The following CCSER1 variants were observed in gnomAD, a reference collection of about 807,000 sequenced individuals.
CCSER1 encodes the protein coiled-coil serine rich protein 1.
CCSER1 carries 41 observed loss-of-function variants against 82.0 expected under a neutral mutation model. The observed-to-expected ratio is 0.50, with a 90% CI of 0.39 to 0.65. CCSER1 has a LOEUF of 0.65. Among genes scored for constraint, CCSER1 ranks in the 30% least tolerant of loss-of-function variants. CCSER1 has a pLI of 0.00. For missense variants in CCSER1, 1,119 were observed against 1,064.2 expected (o/e 1.05, Z -0.72); for synonymous variants, 414 against 383.9 (o/e 1.08, Z -0.92).
chr4:90,251,020 G>T (rs2153441138), intron 1 of CCSER1, among the ~76,000 whole-genome samples: 1 of 151,734 alleles, frequency 6.6e-6, no homozygotes, highest in East Asian at 1.9e-4. Context: ...AATTGATTTT[G>T]GTGTATTCAT....
intron 5 of CCSER1, among the ~76,000 whole-genome samples, chr4:90,470,895 A>G (rs1426284551): frequency 6.6e-6 from 1 of 152,066 alleles, no homozygotes; most frequent in African/African-American, 2.4e-5. Flanking sequence ...GATTGACTAG[A>G]TAATTTGTTG....
At chr4:90,389,056 A>G (rs1481445616) in intron 3 of CCSER1, among the ~76,000 whole-genome samples, 1 of 152,230 alleles carries the variant, frequency 6.6e-6, no homozygotes, top group Non-Finnish European at 1.5e-5. Context: ...TGCCACAAAA[A>G]TGTCCATTTT....
chr4:90,216,909 C>A (rs919135606), intron 1 of CCSER1, among the ~76,000 whole-genome samples: 4 of 152,266 alleles, frequency 2.6e-5, no homozygotes, highest in African/African-American at 9.6e-5. Flanking sequence ...ATTCTTCCGA[C>A]CCTTGAACAT....
chr4:90,224,948 C>A (rs1215209249), intron 1 of CCSER1, among the ~76,000 whole-genome samples: 1 of 152,028 alleles, frequency 6.6e-6, no homozygotes, highest in African/African-American at 2.4e-5. Context: ...TGTGCAGGCC[C>A]TTATCCCTCT....
chr4:90,519,248 G>A (rs1772749252), intron 5 of CCSER1, among the ~76,000 whole-genome samples: 6 of 151,750 alleles, frequency 4.0e-5, no homozygotes, highest in Admixed American at 3.9e-4. Flanking sequence ...TTAAAAAACA[G>A]CTAAAGCCTC....
intron 9 of CCSER1, among the ~76,000 whole-genome samples, chr4:91,056,500 G>T (rs756559599): frequency 1.3e-5 from 2 of 152,058 alleles, no homozygotes; most frequent in Non-Finnish European, 2.9e-5. Context: ...ATTCCCTCTG[G>T]CAAGACCTTT....
chr4:90,181,146 AC>A (rs1733661197), intron 1 of CCSER1, among the ~76,000 whole-genome samples: 1 of 152,124 alleles, frequency 6.6e-6, no homozygotes, highest in African/African-American at 2.4e-5. Context: ...TGATCTGTAC[AC>A]CAAACCAGTG....
intron 10 of CCSER1, among the ~76,000 whole-genome samples, chr4:91,533,936 TAAAC>T (rs1009308811): frequency 6.6e-6 from 1 of 151,976 alleles, no homozygotes; most frequent in African/African-American, 2.4e-5. Context: ...GGAATATGCC[TAAAC>T]AAAACTGAAA....
chr4:90,356,235 G>A (rs1322505525), intron 3 of CCSER1, among the ~76,000 whole-genome samples: 1 of 151,510 alleles, frequency 6.6e-6, no homozygotes, highest in Non-Finnish European at 1.5e-5. Flanking sequence ...GTTTTATAAC[G>A]TCTAATATTT....
intron 1 of CCSER1, among the ~76,000 whole-genome samples, chr4:90,298,422 T>G (rs1290871037): frequency 6.6e-6 from 1 of 151,562 alleles, no homozygotes; most frequent in Admixed American, 6.6e-5. Context: ...CTATCAATTT[T>G]GTTGATCCTT....
intron 1 of CCSER1, among the ~76,000 whole-genome samples, chr4:90,250,924 A>G (rs1271276088): frequency 6.6e-6 from 1 of 151,944 alleles, no homozygotes; most frequent in East Asian, 1.9e-4. Context: ...ACTTATTCCT[A>G]GAGATTTTTT....
chr4:90,942,679 A>G (rs34090839), intron 9 of CCSER1, among the ~76,000 whole-genome samples: 8,059 of 151,940 alleles, frequency 0.053, 240 homozygotes, highest in South Asian at 0.078. Flanking sequence ...AAAAAGAAAG[A>G]AACTTGATAC....
chr4:90,159,129 G>A (rs934578974), intron 1 of CCSER1, among the ~76,000 whole-genome samples: 2 of 152,094 alleles, frequency 1.3e-5, no homozygotes, highest in Non-Finnish European at 2.9e-5. Flanking sequence ...AAACTCCTGA[G>A]CTCAAGTGGT....
At chr4:90,210,969 G>A (rs1739883784) in intron 1 of CCSER1, among the ~76,000 whole-genome samples, 1 of 151,672 alleles carries the variant, frequency 6.6e-6, no homozygotes, top group African/African-American at 2.4e-5. Flanking sequence ...TGTGATTTTT[G>A]TTTATTTCAG....
At chr4:90,490,113 G>A (rs905391830) in intron 5 of CCSER1, among the ~76,000 whole-genome samples, 5 of 152,144 alleles carry the variant, frequency 3.3e-5, no homozygotes, top group African/African-American at 1.2e-4. Context: ...TTCCACAATG[G>A]TTGAACCAGT....
At chr4:90,598,666 T>G (rs1203000976) in intron 5 of CCSER1, among the ~76,000 whole-genome samples, 1 of 152,104 alleles carries the variant, frequency 6.6e-6, no homozygotes, top group Non-Finnish European at 1.5e-5. Context: ...TTTTTAAAAT[T>G]TTTCTGCTGT....
rs1764756700 is a variant in CCSER1, at chr4:91,600,177, C to T, written c.*1120C>T. 6.6e-6 allele frequency: 1 copy of T among 151,974 alleles called. No individual in the cohort carries two copies. Among genetic ancestry groups the T allele is most frequent in the African/African-American group, 2.4e-5 (1 of 41,384 alleles). The allele number at this position is 151,974 out of a possible 1,614,324, so 9.4% of individuals were successfully genotyped here. Reference sequence around the variant, plus strand: ...GCTTCTAACAGGAATATTTAAAACCCATTTGATGGCAAATATTTCTCTTTG... The same window carrying T: ...GCTTCTAACAGGAATATTTAAAACCTATTTGATGGCAAATATTTCTCTTTG... On this transcript the variant is annotated 3_prime_UTR_variant, in exon 11 of 11. Coordinates refer to ENST00000509176, the MANE Select transcript of CCSER1 (RefSeq NM_001145065.2).
chr4:90,900,247 T>C (rs6840937), intron 8 of CCSER1, among the ~76,000 whole-genome samples: 4,250 of 151,900 alleles, frequency 0.028, 82 homozygotes, highest in African/African-American at 0.05. Context: ...TTCTAGATTG[T>C]CTGCGTAGAG....
Position 90,494,059 on chromosome 4 carries a change from G to A in CCSER1, c.1724+25705G>A, listed in dbSNP as rs536163386. Among the ~76,000 whole-genome samples the A allele has an allele frequency of 1.9e-4, 29 of 152,222 alleles. No homozygotes were observed. In the East Asian group the frequency reaches 3.3e-3, roughly 17 times the overall value. On this transcript the variant is annotated intron_variant, in intron 5 of 10. Coordinates refer to ENST00000509176, the MANE Select transcript of CCSER1 (RefSeq NM_001145065.2). ...GACACACATAGGCTCAAAATAAAGG[G>A]ATGGAGGAAGATCTGCCAAGCAAAC...
Sources: allele counts gnomAD v4.1 joint callset (sites outside exome capture counted in the v4.1 genomes callset), GRCh38; gene constraint gnomAD v4.1.1; transcripts MANE v1.5; gene names NCBI Gene and HGNC (gene_info 2026-07-23, HGNC 2026-07-21).